The following CLPB variants were observed in gnomAD, a reference collection of about 807,000 sequenced individuals.
CLPB encodes mitochondrial disaggregase.
CLPB carries 40 observed loss-of-function variants against 78.4 expected under a neutral mutation model. The ratio of observed to expected loss-of-function variants is 0.51; its 90% CI spans 0.40 to 0.66. CLPB has a LOEUF of 0.66. Ranked by LOEUF, CLPB falls within the 30% of genes least tolerant of loss-of-function variation. CLPB has a pLI of 0.00. For synonymous variants in CLPB, 333 were observed against 348.0 expected (o/e 0.96, Z 0.48); for missense variants, 780 against 886.9 (o/e 0.88, Z 1.53).
At chr11:72,333,355 C>T (rs1950262579) in intron 5 of CLPB, among the ~76,000 whole-genome samples, 1 of 152,190 alleles carries the variant, frequency 6.6e-6, no homozygotes, top group Non-Finnish European at 1.5e-5. Context: ...TCTGTTGGCA[C>T]TTACTGGGCA....
rs370186181 is a variant in CLPB at position 72,317,731 on chromosome 11, A to G, written c.874-511T>C. Among the ~76,000 whole-genome samples, 145 of 152,344 alleles carry G rather than the reference A, an allele frequency of 9.5e-4. 4 individuals are homozygous for G. The South Asian group carries it at 0.028, about 29-fold the overall frequency. On this transcript the variant is annotated intron_variant, in intron 6 of 15. Coordinates refer to ENST00000538039, the MANE Select transcript of CLPB (RefSeq NM_001258392.3). ...TCCATTTCAATTATGCTGCATTTCAATTAAACATAATTATTCAGCAGTTCT... is the reference window on the plus strand; with the variant it reads ...TCCATTTCAATTATGCTGCATTTCAGTTAAACATAATTATTCAGCAGTTCT...
intron 5 of CLPB, among the ~76,000 whole-genome samples, chr11:72,331,570 GTTT>G (rs71062765): frequency 1.2e-4 from 6 of 49,396 alleles, no homozygotes; most frequent in Admixed American, 3.0e-4. Context: ...TTTCTTTTCT[GTTT>G]TTTTTTTTTT....
chr11:72,323,332 G>A (rs1261017323), intron 6 of CLPB, among the ~76,000 whole-genome samples: 2 of 152,152 alleles, frequency 1.3e-5, no homozygotes, highest in East Asian at 3.9e-4. Flanking sequence ...ACTTTGGGAG[G>A]CCGAGGCGGG....
intron 3 of CLPB, among the ~76,000 whole-genome samples, chr11:72,381,832 T>TCTAGGCCTGCTCAGTTTCACACCAGG (rs1854924999): frequency 6.6e-6 from 1 of 152,032 alleles, no homozygotes; most frequent in African/African-American, 2.4e-5. Flanking sequence ...GGACACAGGC[T>TCTAGGCCTGCTCAGTTTCACACCAGG]CTAGGCCTGC....
chr11:72,349,177 C>T (rs1456036990), intron 5 of CLPB, among the ~76,000 whole-genome samples: 1 of 152,120 alleles, frequency 6.6e-6, no homozygotes, highest in Admixed American at 6.5e-5. Context: ...TATTATTTTA[C>T]GGATAAGGAA....
At chr11:72,320,432 G>C (rs1003693678) in intron 6 of CLPB, among the ~76,000 whole-genome samples, 1 of 152,160 alleles carries the variant, frequency 6.6e-6, no homozygotes, top group Non-Finnish European at 1.5e-5. Flanking sequence ...GTTATACCGT[G>C]AACTGGTTAG....
intron 2 of CLPB, among the ~76,000 whole-genome samples, chr11:72,417,585 T>C (rs1417095993): frequency 6.6e-6 from 1 of 152,136 alleles, no homozygotes; most frequent in Non-Finnish European, 1.5e-5. Context: ...TTTTTAAAGG[T>C]TGAATTTTAT....
intron 3 of CLPB, among the ~76,000 whole-genome samples, chr11:72,389,819 G>A (rs1462912632): frequency 2.0e-4 from 30 of 152,026 alleles, no homozygotes. Flanking sequence ...CCAGCTACTC[G>A]GGAGGATCGC....
intron 9 of CLPB, among the ~76,000 whole-genome samples, chr11:72,306,042 C>T (rs1362266743): frequency 6.6e-6 from 1 of 152,166 alleles, no homozygotes; most frequent in Non-Finnish European, 1.5e-5. Flanking sequence ...TCGCTGCCAA[C>T]CTGATGAATT....
At position 72,392,182 on chromosome 11, in the gene CLPB, A is replaced by T. The variant is rs184005084; in HGVS notation, c.542+10784T>A. Among the ~76,000 whole-genome samples the T allele has an allele frequency of 8.6e-5, 13 of 152,028 alleles. No individual in the cohort carries two copies. The East Asian group carries it at 1.9e-3, about 23-fold the overall frequency. On this transcript the variant is annotated intron_variant, in intron 3 of 15. Coordinates refer to ENST00000538039, the MANE Select transcript of CLPB (RefSeq NM_001258392.3). ...GTTGAGCTTCAGAAGAAGCTCCTCT[A>T]ACTCCTCCTCCTCCCCACCCCCCAC... is the stretch of plus-strand genomic sequence containing the variant.
chr11:72,359,245 G>T, intron 4 of CLPB: 1 of 668,124 alleles, frequency 1.5e-6, no homozygotes, highest in Non-Finnish European at 2.7e-6. Flanking sequence ...CTGGGGACAT[G>T]AAATAGATCA....
intron 4 of CLPB, among the ~76,000 whole-genome samples, chr11:72,373,413 G>A (rs1270176923): frequency 1.3e-5 from 2 of 152,040 alleles, no homozygotes; most frequent in African/African-American, 2.4e-5. Context: ...TGAGGATTAC[G>A]GCCCCCACCC....
intron 2 of CLPB, among the ~76,000 whole-genome samples, chr11:72,419,094 A>T (rs117142336): frequency 6.6e-6 from 1 of 152,216 alleles, no homozygotes; most frequent in African/African-American, 2.4e-5. Context: ...AAGCAGCTTA[A>T]GTGAATATTA....
intron 2 of CLPB, among the ~76,000 whole-genome samples, chr11:72,427,138 G>A (rs1473969422): frequency 6.6e-6 from 1 of 152,220 alleles, no homozygotes; most frequent in Non-Finnish European, 1.5e-5. Flanking sequence ...AGGGCCCATG[G>A]ACTGAAGATT....
At chr11:72,372,627 C>T (rs368087805) in intron 4 of CLPB, among the ~76,000 whole-genome samples, 65 of 152,292 alleles carry the variant, frequency 4.3e-4, no homozygotes, top group African/African-American at 1.5e-3. Context: ...TTATTAGAAA[C>T]GCAAAACCTC....
chr11:72,363,036 G>C (rs1340554037), intron 4 of CLPB, among the ~76,000 whole-genome samples: 1 of 152,046 alleles, frequency 6.6e-6, no homozygotes, highest in African/African-American at 2.4e-5. Context: ...CATGCCTGTA[G>C]TCCCAGCTAC....
At chr11:72,406,295 C>T (rs1855708038) in intron 2 of CLPB, among the ~76,000 whole-genome samples, 2 of 152,098 alleles carry the variant, frequency 1.3e-5, no homozygotes, top group Admixed American at 6.5e-5. Flanking sequence ...TGCCTGGACC[C>T]TGAAAATTGT....
At chr11:72,419,406 A>C (rs1856123513) in intron 2 of CLPB, among the ~76,000 whole-genome samples, 1 of 152,214 alleles carries the variant, frequency 6.6e-6, no homozygotes, top group African/African-American at 2.4e-5. Flanking sequence ...TGCCTGGCAC[A>C]TACAAGCAGG....
At chr11:72,299,654 A>C (rs1414156418) in intron 11 of CLPB, among the ~76,000 whole-genome samples, 1 of 152,248 alleles carries the variant, frequency 6.6e-6, no homozygotes. Context: ...GAATTAAATT[A>C]GTCAATACAA....
Sources: allele counts gnomAD v4.1 joint callset (sites outside exome capture counted in the v4.1 genomes callset), GRCh38; gene constraint gnomAD v4.1.1; transcripts MANE v1.5; gene names NCBI Gene and HGNC (gene_info 2026-07-23, HGNC 2026-07-21).